Variants in PPME1 observed in about 807,000 individuals in gnomAD.
PPME1 encodes the protein testicular secretory protein Li 39.
In PPME1, 17 loss-of-function variants were observed where a neutral mutation model predicts 56.9. The ratio of observed to expected loss-of-function variants is 0.30; its 90% CI spans 0.20 to 0.45. PPME1 has a LOEUF of 0.45. Ranked by LOEUF, PPME1 falls within the 20% of genes least tolerant of loss-of-function variation. PPME1 has a pLI of 1.00. For synonymous variants in PPME1, 122 were observed against 156.2 expected (o/e 0.78, Z 1.63); for missense variants, 357 against 483.2 (o/e 0.74, Z 2.45).
At chr11:74,209,153 C>T (rs953446434) in intron 3 of PPME1, among the ~76,000 whole-genome samples, 2 of 152,186 alleles carry the variant, frequency 1.3e-5, no homozygotes, top group African/African-American at 4.8e-5. Context: ...GTCACCCAGG[C>T]TGGAGTACAG....
intron 1 of PPME1, among the ~76,000 whole-genome samples, chr11:74,196,593 CAAGA>C (rs1220113924): frequency 2.6e-5 from 4 of 152,018 alleles, no homozygotes; most frequent in Non-Finnish European, 5.9e-5. Flanking sequence ...GGATCTCACT[CAAGA>C]AAGAATTCAG....
intron 1 of PPME1, among the ~76,000 whole-genome samples, chr11:74,190,503 A>AGCAT (rs1169649448): frequency 6.6e-6 from 1 of 152,272 alleles, no homozygotes; most frequent in Admixed American, 6.5e-5. Flanking sequence ...AGATACTGGT[A>AGCAT]GCATGCTTCT....
chr11:74,193,373 C>T (rs1857894323), intron 1 of PPME1, among the ~76,000 whole-genome samples: 1 of 152,160 alleles, frequency 6.6e-6, no homozygotes, highest in African/African-American at 2.4e-5. Flanking sequence ...TACCTCCAGG[C>T]CATGTGTATA....
intron 5 of PPME1, among the ~76,000 whole-genome samples, chr11:74,226,167 C>T (rs1255722164): frequency 6.6e-6 from 1 of 152,002 alleles, no homozygotes; most frequent in Non-Finnish European, 1.5e-5. Context: ...TTTTATCTGC[C>T]AACTTTCATT....
chr11:74,188,521 A>G (rs1275070564), intron 1 of PPME1, among the ~76,000 whole-genome samples: 3 of 152,154 alleles, frequency 2.0e-5, no homozygotes, highest in Non-Finnish European at 4.4e-5. Context: ...AAAAGGAATC[A>G]AGCGTTCACC....
chr11:74,253,484 T>C lies in PPME1; in HGVS notation c.1143-8T>C. The C allele has an allele frequency of 1.9e-6, 3 of 1,606,040 alleles. No homozygotes were observed. Among genetic ancestry groups the C allele is most frequent in the Middle Eastern group, 1.7e-4 (1 of 6,040 alleles). On this transcript the variant is annotated splice_region_variant and splice_polypyrimidine_tract_variant and intron_variant, in intron 13 of 13. Coordinates refer to ENST00000328257, the MANE Select transcript of PPME1 (RefSeq NM_016147.3). Reference sequence around the variant, plus strand: ...TTTGTTTTTCCTTCTCTTTCTGTTCTTCCACAGTGTGTTTCCTGGCTGTTA... The same window carrying C: ...TTTGTTTTTCCTTCTCTTTCTGTTCCTCCACAGTGTGTTTCCTGGCTGTTA...
intron 1 of PPME1, among the ~76,000 whole-genome samples, chr11:74,190,467 A>G (rs1217402103): frequency 1.3e-5 from 2 of 152,212 alleles, no homozygotes; most frequent in East Asian, 3.8e-4. Context: ...CCGTGATTGT[A>G]AGCTTCTGAA....
At chr11:74,200,171 C>T (rs557501604) in intron 1 of PPME1, among the ~76,000 whole-genome samples, 1 of 152,240 alleles carries the variant, frequency 6.6e-6, no homozygotes, top group African/African-American at 2.4e-5. Context: ...TATAAAGTAT[C>T]TAGGCATAAA....
At chr11:74,234,047 G>A (rs73549042) in intron 7 of PPME1, among the ~76,000 whole-genome samples, 7,437 of 152,184 alleles carry the variant, frequency 0.049, 581 homozygotes, top group African/African-American at 0.17. Context: ...ATGTATTTTC[G>A]AGGTAGAACT....
At chr11:74,249,001 T>C (rs1303602799) in intron 11 of PPME1, 4 of 152,222 alleles carry the variant, frequency 2.6e-5, no homozygotes. Context: ...TATATCTCAG[T>C]ACAGTTACAT....
chr11:74,252,103 C>CTTTTTTTTT (rs60650207), intron 13 of PPME1, among the ~76,000 whole-genome samples: 1 of 117,018 alleles, frequency 8.5e-6, no homozygotes, highest in Non-Finnish European at 1.8e-5. Context: ...TGGAGCAGGG[C>CTTTTTTTTT]TTTTTTTTTT....
intron 5 of PPME1, among the ~76,000 whole-genome samples, chr11:74,226,932 A>C (rs1858945918): frequency 6.6e-6 from 1 of 152,184 alleles, no homozygotes; most frequent in Non-Finnish European, 1.5e-5. Context: ...GAGGGAGTAC[A>C]CCCAGGGTTG....
intron 8 of PPME1, among the ~76,000 whole-genome samples, chr11:74,237,572 G>T (rs1859230210): frequency 6.6e-6 from 1 of 151,874 alleles, no homozygotes; most frequent in Non-Finnish European, 1.5e-5. Context: ...ACCATGCCCA[G>T]CCAATTGTCT....
At chr11:74,237,545 G>T (rs1859229406) in intron 8 of PPME1, among the ~76,000 whole-genome samples, 1 of 151,888 alleles carries the variant, frequency 6.6e-6, no homozygotes, top group African/African-American at 2.4e-5. Context: ...AAAGTGCTGG[G>T]ATTACAGACG....
intron 5 of PPME1, among the ~76,000 whole-genome samples, chr11:74,225,933 T>C (rs1459534887): frequency 2.0e-5 from 3 of 152,186 alleles, no homozygotes; most frequent in African/African-American, 4.8e-5. Flanking sequence ...ATAGCATAAA[T>C]AGGATTCTTC....
chr11:74,225,538 C>T (rs942847754), intron 5 of PPME1, among the ~76,000 whole-genome samples: 1 of 152,110 alleles, frequency 6.6e-6, no homozygotes, highest in Non-Finnish European at 1.5e-5. Flanking sequence ...AAGTTTTCTT[C>T]TGTTGATGGA....
At chr11:74,235,673 T>A (rs1859172822) in intron 7 of PPME1, 1 of 574,636 alleles carries the variant, frequency 1.7e-6, no homozygotes, top group African/African-American at 1.9e-5. Flanking sequence ...TAGTATCCTC[T>A]TGATAAATAT....
chr11:74,224,198 G>A (rs1312668045), intron 4 of PPME1, among the ~76,000 whole-genome samples: 2,139 of 147,554 alleles, frequency 0.014, 41 homozygotes, highest in African/African-American at 0.052. Flanking sequence ...TATTAAATAG[G>A]GAATCCTTTC....
intron 1 of PPME1, among the ~76,000 whole-genome samples, chr11:74,173,480 A>G (rs1314271384): frequency 6.6e-6 from 1 of 152,142 alleles, no homozygotes; most frequent in Admixed American, 6.5e-5. Flanking sequence ...AAAAAGGAAA[A>G]TCTGCTGATT....
Sources: gnomAD v4.1 joint callset for allele counts (sites outside exome capture counted in the v4.1 genomes callset) on GRCh38, gnomAD v4.1.1 for gene constraint, MANE v1.5 for transcripts, NCBI Gene and HGNC (gene_info 2026-07-23, HGNC 2026-07-21) for gene names.